Variants in NOL4 observed in about 807,000 individuals in gnomAD.
NOL4 encodes nucleolar protein 4, also known as cancer/testis antigen 125.
In NOL4, 17 loss-of-function variants were observed where a neutral mutation model predicts 75.9. The observed-to-expected ratio is 0.22, with a 90% CI of 0.15 to 0.34. The LOEUF (loss-of-function observed/expected upper bound fraction) is 0.34. NOL4 is among the 10% of genes least tolerant of loss of function. The pLI is 1.00. For synonymous variants in NOL4, 292 were observed against 289.9 expected, an observed-to-expected ratio of 1.01 and a Z score of -0.07; for missense variants, 614 against 793.5, an observed-to-expected ratio of 0.77 and a Z score of 2.72.
At chr18:34,082,370 A>T (rs1174880125) in intron 5 of NOL4, among the ~76,000 whole-genome samples, 1 of 147,138 alleles carries the variant, frequency 6.8e-6, no homozygotes. Flanking sequence ...CCAGAAAAAG[A>T]AAAAAAAAAA....
chr18:34,063,852 G>A (rs2077160737), intron 5 of NOL4, among the ~76,000 whole-genome samples: 1 of 151,880 alleles, frequency 6.6e-6, no homozygotes, highest in Non-Finnish European at 1.5e-5. Context: ...ATTAAAGATA[G>A]ATTATTTTCT....
chr18:34,060,416 T>C (rs1179436237), intron 5 of NOL4, among the ~76,000 whole-genome samples: 6 of 152,208 alleles, frequency 3.9e-5, no homozygotes, highest in Admixed American at 3.3e-4. Context: ...GCTTAACTTA[T>C]TTACATATCC....
rs191569478 is a variant in NOL4 at position 34,160,576 on chromosome 18, C to T, written c.265-30556G>A. On this transcript the variant is annotated intron_variant, in intron 1 of 10. Transcript: ENST00000261592. The stretch of plus-strand genomic sequence containing the variant: ...GCATAAGGAAATGAAAAGCATTTGC[C>T]AAATGGAATTAGTGTAATATTTTGT... Among the ~76,000 whole-genome samples, 26 of 152,174 alleles carry T rather than the reference C, an allele frequency of 1.7e-4. No homozygotes were observed. In the East Asian group the frequency reaches 3.5e-3, roughly 20 times the overall value.
At chr18:33,954,983 G>T (rs2069538363) in intron 8 of NOL4, among the ~76,000 whole-genome samples, 1 of 152,040 alleles carries the variant, frequency 6.6e-6, no homozygotes, top group Admixed American at 6.6e-5. Context: ...TAACCTGGGG[G>T]ATGGTAAATG....
At chr18:33,853,768 T>C (rs1335566789) in intron 10 of NOL4, among the ~76,000 whole-genome samples, 1 of 152,094 alleles carries the variant, frequency 6.6e-6, no homozygotes, top group African/African-American at 2.4e-5. Flanking sequence ...AGGAATTTAA[T>C]GTCATCTCTG....
chr18:33,884,264 ATG>A (rs746887373), intron 9 of NOL4, among the ~76,000 whole-genome samples: 122 of 151,532 alleles, frequency 8.1e-4, no homozygotes, highest in Non-Finnish European at 1.3e-3. Context: ...TCCTCTGTGT[ATG>A]TGTGTGTGTG....
At chr18:33,981,847 G>T (rs568392886) in intron 6 of NOL4, among the ~76,000 whole-genome samples, 1 of 151,870 alleles carries the variant, frequency 6.6e-6, no homozygotes, top group Non-Finnish European at 1.5e-5. Flanking sequence ...AGCAACAATC[G>T]TACAATAACC....
chr18:34,073,392 C>A (rs1188089773), intron 5 of NOL4, among the ~76,000 whole-genome samples: 1 of 151,818 alleles, frequency 6.6e-6, no homozygotes, highest in Non-Finnish European at 1.5e-5. Flanking sequence ...ATCCCAAAAT[C>A]CATAGATGTT....
intron 5 of NOL4, among the ~76,000 whole-genome samples, chr18:34,080,852 G>A (rs1336461059): frequency 1.3e-5 from 2 of 152,194 alleles, no homozygotes; most frequent in Admixed American, 1.3e-4. Flanking sequence ...GGAATAATGT[G>A]TGACATAAGA....
At chr18:34,120,370 T>C (rs1298276788) in intron 2 of NOL4, among the ~76,000 whole-genome samples, 2 of 152,194 alleles carry the variant, frequency 1.3e-5, no homozygotes, top group Non-Finnish European at 2.9e-5. Context: ...TGATCATTTC[T>C]ATTCTCTTCT....
At chr18:33,910,901 G>A (rs890908148) in intron 9 of NOL4, among the ~76,000 whole-genome samples, 17 of 152,070 alleles carry the variant, frequency 1.1e-4, no homozygotes, top group Admixed American at 3.9e-4. Context: ...AATATTTCCC[G>A]GTACACCTAT....
chr18:33,862,724 T>C (rs370256872), intron 10 of NOL4, among the ~76,000 whole-genome samples: 16 of 152,092 alleles, frequency 1.1e-4, no homozygotes, highest in African/African-American at 2.9e-4. Flanking sequence ...CAATGAGATA[T>C]CATCTCACAC....
At chr18:33,895,812 T>C (rs116350399) in intron 9 of NOL4, among the ~76,000 whole-genome samples, 2,912 of 152,114 alleles carry the variant, frequency 0.019, 41 homozygotes, top group Middle Eastern at 0.051. Flanking sequence ...CCAGAACAAT[T>C]AGGCAAGAGA....
At chr18:33,980,007 G>A (rs895959789) in intron 6 of NOL4, among the ~76,000 whole-genome samples, 3 of 151,942 alleles carry the variant, frequency 2.0e-5, no homozygotes, top group African/African-American at 7.2e-5. Flanking sequence ...GTTTTTGGTG[G>A]TTTCCACTCC....
chr18:34,188,406 T>C (rs1052891298), intron 1 of NOL4, among the ~76,000 whole-genome samples: 3 of 152,194 alleles, frequency 2.0e-5, no homozygotes, highest in Non-Finnish European at 4.4e-5. Flanking sequence ...CCTCAACATA[T>C]AGTGGGGCTA....
At chr18:34,205,396 C>T (rs772571175) in intron 1 of NOL4, among the ~76,000 whole-genome samples, 5 of 151,966 alleles carry the variant, frequency 3.3e-5, no homozygotes, top group Non-Finnish European at 5.9e-5. Flanking sequence ...GAAACGAAAC[C>T]CAAATAGTTT....
intron 10 of NOL4, among the ~76,000 whole-genome samples, chr18:33,868,859 G>C (rs996582359): frequency 3.9e-5 from 6 of 151,932 alleles, no homozygotes; most frequent in African/African-American, 9.7e-5. Context: ...CAATGAAATT[G>C]ATAGCTGTTA....
chr18:33,991,652 C>T (rs1487213694), intron 6 of NOL4, among the ~76,000 whole-genome samples: 1 of 151,896 alleles, frequency 6.6e-6, no homozygotes, highest in Non-Finnish European at 1.5e-5. Flanking sequence ...ATTACTCTAG[C>T]CCTGTGGCTC....
chr18:33,886,896 T>TTACATCTAGA (rs2064722591), intron 9 of NOL4, among the ~76,000 whole-genome samples: 4 of 133,390 alleles, frequency 3.0e-5, no homozygotes, highest in Non-Finnish European at 6.3e-5. Flanking sequence ...TCTAGATATA[T>TTACATCTAGA]TATATCTAGA....
Sources: gnomAD v4.1 joint callset for allele counts (sites outside exome capture counted in the v4.1 genomes callset) on GRCh38, gnomAD v4.1.1 for gene constraint, MANE v1.5 for transcripts, NCBI Gene and HGNC (gene_info 2026-07-23, HGNC 2026-07-21) for gene names.